The following IGF1R variants were observed in gnomAD, a reference collection of about 807,000 sequenced individuals.
IGF1R encodes the protein insulin-like growth factor 1 receptor.
A neutral mutation model predicts 144.6 loss-of-function variants in IGF1R; 44 were observed. The ratio of observed to expected loss-of-function variants is 0.30; its 90% CI spans 0.24 to 0.39. The LOEUF is 0.39. Among genes scored for constraint, IGF1R ranks in the 10% least tolerant of loss-of-function variants. IGF1R has a pLI of 1.00. For missense variants in IGF1R, 1,355 were observed against 1,833.7 expected (o/e 0.74, Z 4.77); for synonymous variants, 795 against 722.8 (o/e 1.10, Z -1.60).
At chr15:98,797,951 G>T (rs533189012) in intron 2 of IGF1R, among the ~76,000 whole-genome samples, 13 of 152,328 alleles carry the variant, frequency 8.5e-5, no homozygotes, top group Non-Finnish European at 1.8e-4. Context: ...GGGGACATTT[G>T]CCCTGCCACT....
rs2017181414 is a variant in IGF1R, at chr15:98,960,526, C to G, written c.*3084C>G. On this transcript the variant is annotated 3_prime_UTR_variant, in exon 21 of 21. Coordinates refer to ENST00000650285, the MANE Select transcript of IGF1R (RefSeq NM_000875.5). ...CAGGTTCTGAGGAGAGGAAGGTGTCCAGGCAGCACCATCTCTGTGCGAATC... is the reference window on the plus strand; with the variant it reads ...CAGGTTCTGAGGAGAGGAAGGTGTCGAGGCAGCACCATCTCTGTGCGAATC... 4.3e-6 allele frequency: 1 copy of G among 233,406 alleles called. No individual in the cohort carries two copies. Among genetic ancestry groups the G allele is most frequent in the African/African-American group, 2.2e-5 (1 of 45,478 alleles). 14.5% of individuals were successfully genotyped at this position (233,406 alleles called of 1,614,324 possible). A position where few individuals can be genotyped will look rare whatever the true frequency, so the allele number is the denominator to read the frequency against.
At chr15:98,705,715 T>C (rs2141255537) in intron 1 of IGF1R, among the ~76,000 whole-genome samples, 2 of 152,308 alleles carry the variant, frequency 1.3e-5, no homozygotes, top group South Asian at 4.1e-4. Context: ...GGGACTTTTC[T>C]TCTCTCCCTC....
At chr15:98,809,963 G>GA (rs1184573037) in intron 2 of IGF1R, among the ~76,000 whole-genome samples, 1 of 152,220 alleles carries the variant, frequency 6.6e-6, no homozygotes, top group Non-Finnish European at 1.5e-5. Context: ...GAGCTCAGTA[G>GA]AGACAGCAAA....
At chr15:98,920,215 A>G (rs1376708505) in intron 10 of IGF1R, among the ~76,000 whole-genome samples, 1 of 152,154 alleles carries the variant, frequency 6.6e-6, no homozygotes, top group Non-Finnish European at 1.5e-5. Flanking sequence ...CGATTTGGAA[A>G]TGTAGTTGTT....
intron 13 of IGF1R, 81 bp downstream of exon 13, chr15:98,924,765 G>T: frequency 7.8e-7 from 1 of 1,275,590 alleles, no homozygotes; most frequent in Non-Finnish European, 1.1e-6. Context: ...AGTGTTCATG[G>T]CTGTCTTATT....
At chr15:98,879,702 G>C (rs1005461419) in intron 2 of IGF1R, among the ~76,000 whole-genome samples, 3 of 152,138 alleles carry the variant, frequency 2.0e-5, no homozygotes, top group African/African-American at 7.2e-5. Context: ...CAGTGTACCT[G>C]TGATTTTATC....
At chr15:98,884,569 C>G (rs1029190182) in intron 2 of IGF1R, among the ~76,000 whole-genome samples, 4 of 150,664 alleles carry the variant, frequency 2.7e-5, no homozygotes, top group Non-Finnish European at 4.4e-5. Flanking sequence ...TGGCGGGCGC[C>G]TGTAGTCCCA....
At chr15:98,920,705 G>C (rs529276112) in intron 10 of IGF1R, among the ~76,000 whole-genome samples, 1 of 152,288 alleles carries the variant, frequency 6.6e-6, no homozygotes, top group African/African-American at 2.4e-5. Context: ...GAAAGCAAAT[G>C]TACACGCCCT....
chr15:98,752,017 T>C (rs779275331), intron 2 of IGF1R, among the ~76,000 whole-genome samples: 1 of 152,174 alleles, frequency 6.6e-6, no homozygotes, highest in Non-Finnish European at 1.5e-5. Flanking sequence ...ACACGGGAAT[T>C]AGGGCATCAG....
intron 2 of IGF1R, among the ~76,000 whole-genome samples, chr15:98,885,675 C>G (rs1398263328): frequency 6.6e-6 from 1 of 152,198 alleles, no homozygotes; most frequent in African/African-American, 2.4e-5. Flanking sequence ...GATTCAGAAG[C>G]TTTACCTTAT....
chr15:98,709,760 C>A (rs2141262697), intron 2 of IGF1R, among the ~76,000 whole-genome samples: 1 of 152,212 alleles, frequency 6.6e-6, no homozygotes, highest in South Asian at 2.1e-4. Context: ...CCAGTACATC[C>A]CTTAGTGGTG....
At chr15:98,686,890 G>C (rs2053343162) in intron 1 of IGF1R, among the ~76,000 whole-genome samples, 1 of 152,142 alleles carries the variant, frequency 6.6e-6, no homozygotes, top group African/African-American at 2.4e-5. Context: ...GGCTGGTCTG[G>C]AAGTCCTGGC....
intron 3 of IGF1R, among the ~76,000 whole-genome samples, chr15:98,895,087 A>T (rs2014116443): frequency 6.6e-6 from 1 of 151,760 alleles, no homozygotes; most frequent in Admixed American, 6.6e-5. Flanking sequence ...TGTTAGGGAC[A>T]TTGGGGACTA....
chr15:98,943,635 G>A (rs2016446586), intron 19 of IGF1R, among the ~76,000 whole-genome samples: 1 of 152,212 alleles, frequency 6.6e-6, no homozygotes, highest in South Asian at 2.1e-4. Context: ...AGGGATCAGA[G>A]GCCTCTCAGT....
chr15:98,752,867 C>G (rs376409542), intron 2 of IGF1R, among the ~76,000 whole-genome samples: 2 of 151,380 alleles, frequency 1.3e-5, no homozygotes, highest in South Asian at 4.2e-4. Flanking sequence ...GAAGGAAAAC[C>G]TAAAATAGTA....
intron 2 of IGF1R, among the ~76,000 whole-genome samples, chr15:98,760,534 T>G (rs916582200): frequency 6.6e-6 from 1 of 152,226 alleles, no homozygotes; most frequent in Admixed American, 6.5e-5. Flanking sequence ...CTGTGAGACT[T>G]GAACATTTTG....
At chr15:98,877,269 T>C (rs2013105350) in intron 2 of IGF1R, among the ~76,000 whole-genome samples, 1 of 152,192 alleles carries the variant, frequency 6.6e-6, no homozygotes. Flanking sequence ...AAAAAGCATG[T>C]ACTTCTTTAA....
chr15:98,650,780 C>T (rs1017976877), intron 1 of IGF1R: 8 of 543,582 alleles, frequency 1.5e-5, no homozygotes, highest in African/African-American at 6.1e-5. Context: ...GTCGCCCTCT[C>T]TTCTGCCGCC....
intron 1 of IGF1R, among the ~76,000 whole-genome samples, chr15:98,652,557 T>A (rs897034415): frequency 6.6e-6 from 1 of 152,356 alleles, no homozygotes; most frequent in South Asian, 2.1e-4. Flanking sequence ...TCATAATGTT[T>A]GATTTGTCGA....
Sources: allele counts gnomAD v4.1 joint callset (sites outside exome capture counted in the v4.1 genomes callset), GRCh38; gene constraint gnomAD v4.1.1; transcripts MANE v1.5; gene names NCBI Gene and HGNC (gene_info 2026-07-23, HGNC 2026-07-21).